Variants in TBX15 observed in about 807,000 individuals in gnomAD.
The protein encoded by TBX15 is T-box transcription factor 15, also known as T-box transcription factor TBX15.
In TBX15, 18 loss-of-function variants were observed where a neutral mutation model predicts 53.9. That is an observed-to-expected ratio of 0.33 (90% CI 0.23 to 0.49). The LOEUF is 0.49. Ranked by LOEUF, TBX15 falls within the 20% of genes least tolerant of loss-of-function variation. The pLI, the probability that TBX15 is intolerant of heterozygous loss-of-function variation, is 0.98. For synonymous variants in TBX15, 295 were observed against 278.0 expected (o/e 1.06, Z -0.61); for missense variants, 692 against 749.5 (o/e 0.92, Z 0.90).
Position 118,944,269 on chromosome 1 carries a change from A to G in TBX15, c.206-12437T>C, listed in dbSNP as rs565775942. 4.6e-5 allele frequency among the ~76,000 whole-genome samples: 7 copies of G among 152,240 alleles called. No homozygotes were observed. The South Asian group carries it at 1.4e-3, about 32-fold the overall frequency. Reference sequence around the variant, plus strand: ...ATGCTAACCCCAGGATGGATTTTTTATGATGGCCAAGAAAAGGAGGGTGGG... The same window carrying G: ...ATGCTAACCCCAGGATGGATTTTTTGTGATGGCCAAGAAAAGGAGGGTGGG... On this transcript the variant is annotated intron_variant, in intron 1 of 7. Coordinates refer to ENST00000369429, the MANE Select transcript of TBX15 (RefSeq NM_001330677.2).
intron 1 of TBX15, among the ~76,000 whole-genome samples, chr1:118,966,610 A>C (rs754323184): frequency 2.0e-5 from 3 of 152,166 alleles, no homozygotes; most frequent in Admixed American, 6.5e-5. Context: ...AAAGGAGGAG[A>C]GTATACTGAG....
chr1:118,983,798 G>A (rs905320533), intron 1 of TBX15, among the ~76,000 whole-genome samples: 1 of 152,096 alleles, frequency 6.6e-6, no homozygotes, highest in Non-Finnish European at 1.5e-5. Context: ...CGCGTTCGCC[G>A]AACACCCTGT....
chr1:118,966,756 GTT>G (rs1307530367), intron 1 of TBX15, among the ~76,000 whole-genome samples: 1 of 152,146 alleles, frequency 6.6e-6, no homozygotes, highest in Admixed American at 6.5e-5. Flanking sequence ...AAGACTAGTG[GTT>G]TCATCTTCTA....
rs143887801 is a variant in TBX15, at chr1:118,968,283, T to C, written c.205+19308A>G. Among the ~76,000 whole-genome samples, 573 of 152,252 alleles carry C rather than the reference T, an allele frequency of 3.8e-3. 2 individuals carry two copies. The highest frequency in any genetic ancestry group is 0.013 in the African/African-American group (547 of 41,546). On this transcript the variant is annotated intron_variant, in intron 1 of 7. Coordinates refer to ENST00000369429, the MANE Select transcript of TBX15 (RefSeq NM_001330677.2). Reference sequence around the variant, plus strand: ...AGGCTGGAGTGCAGTGGCGTGATCTTGGCTCACTGCAACCTCCATCTCCCA... The same window carrying C: ...AGGCTGGAGTGCAGTGGCGTGATCTCGGCTCACTGCAACCTCCATCTCCCA...
At chr1:118,887,648 C>T (rs1252689154) in intron 7 of TBX15, among the ~76,000 whole-genome samples, 1 of 148,508 alleles carries the variant, frequency 6.7e-6, no homozygotes, top group Non-Finnish European at 1.5e-5. Context: ...GCACGCTGGC[C>T]TGGGCAACAA....
intron 1 of TBX15, among the ~76,000 whole-genome samples, chr1:118,938,914 C>CA (rs1308295601): frequency 1.3e-5 from 2 of 152,170 alleles, no homozygotes; most frequent in Non-Finnish European, 2.9e-5. Flanking sequence ...CAAAAAGACA[C>CA]ATGCATTTGT....
At chr1:118,894,468 A>G (rs1654352244) in intron 7 of TBX15, among the ~76,000 whole-genome samples, 1 of 152,144 alleles carries the variant, frequency 6.6e-6, no homozygotes, top group South Asian at 2.1e-4. Flanking sequence ...CTGGAGATAG[A>G]AGGTTGAGGT....
At chr1:118,915,602 C>T (rs1028632711) in intron 5 of TBX15, among the ~76,000 whole-genome samples, 1 of 152,166 alleles carries the variant, frequency 6.6e-6, no homozygotes, top group Non-Finnish European at 1.5e-5. Flanking sequence ...CGAGTGTCTG[C>T]CATATGAATA....
At chr1:118,933,089 G>A (rs117312972) in intron 1 of TBX15, among the ~76,000 whole-genome samples, 43 of 152,250 alleles carry the variant, frequency 2.8e-4, no homozygotes, top group East Asian at 1.5e-3. Context: ...GCCCAATCAC[G>A]TTGCTGCCAA....
chr1:118,895,595 T>A (rs1295330381), intron 7 of TBX15, among the ~76,000 whole-genome samples: 2 of 152,166 alleles, frequency 1.3e-5, no homozygotes, highest in African/African-American at 4.8e-5. Flanking sequence ...ACTTGCCTGG[T>A]TAGTTCATTT....
intron 1 of TBX15, among the ~76,000 whole-genome samples, chr1:118,981,384 A>G (rs1335633665): frequency 6.6e-6 from 1 of 152,038 alleles, no homozygotes; most frequent in Admixed American, 6.6e-5. Flanking sequence ...CCAATTCAGA[A>G]CTGATATTTT....
chr1:118,910,411 G>A (rs193074569), intron 6 of TBX15, among the ~76,000 whole-genome samples: 1 of 98,504 alleles, frequency 1.0e-5, no homozygotes, highest in African/African-American at 3.0e-5. Context: ...CAAGATTTTT[G>A]TTGTTGTTGT....
At chr1:118,952,387 A>C (rs1402809250) in intron 1 of TBX15, among the ~76,000 whole-genome samples, 1 of 151,978 alleles carries the variant, frequency 6.6e-6, no homozygotes, top group Non-Finnish European at 1.5e-5. Context: ...ACATTTTTCA[A>C]GGGTCAATAA....
chr1:118,887,939 T>C (rs1017940287), intron 7 of TBX15, among the ~76,000 whole-genome samples: 15 of 152,188 alleles, frequency 9.9e-5, no homozygotes, highest in African/African-American at 3.6e-4. Context: ...GCCTAACTAA[T>C]AACGAAAGAA....
At position 118,987,684 on chromosome 1, in the gene TBX15, TCTC is replaced by T. The variant is rs1425533655; in HGVS notation, c.109_111del (p.Glu37del). 1.3e-5 allele frequency: 20 copies of T among 1,550,344 alleles called. No homozygotes were observed. Among genetic ancestry groups the T allele is most frequent in the Non-Finnish European group, 1.7e-5 (19 of 1,146,840 alleles). On this transcript the variant is annotated inframe_deletion, in exon 1 of 8. Coordinates refer to ENST00000369429, the MANE Select transcript of TBX15 (RefSeq NM_001330677.2). ...GCCTCCATAGACAGGTCCAGCCCCT[TCTC>T]CTCCCAGTCTCGCAGTTTCCGTTTT...
At chr1:118,938,193 G>A (rs1656027416) in intron 1 of TBX15, among the ~76,000 whole-genome samples, 1 of 152,144 alleles carries the variant, frequency 6.6e-6, no homozygotes, top group Non-Finnish European at 1.5e-5. Context: ...TATGATGATA[G>A]CAAACACTCA....
intron 1 of TBX15, among the ~76,000 whole-genome samples, chr1:118,964,135 C>T (rs1305140755): frequency 6.6e-6 from 1 of 152,202 alleles, no homozygotes; most frequent in Admixed American, 6.5e-5. Context: ...GGTTTTAAGG[C>T]ACTAAGCACA....
At chr1:118,940,559 TAACTC>T (rs1656139135) in intron 1 of TBX15, among the ~76,000 whole-genome samples, 1 of 151,870 alleles carries the variant, frequency 6.6e-6, no homozygotes. Context: ...TATTTAGGCT[TAACTC>T]AAGTCAGAGT....
chr1:118,966,025 A>G (rs1657024578), intron 1 of TBX15, among the ~76,000 whole-genome samples: 1 of 152,154 alleles, frequency 6.6e-6, no homozygotes, highest in Admixed American at 6.5e-5. Context: ...CTCACTGTTC[A>G]TTTTGGGCTG....
Sources: gnomAD v4.1 joint callset for allele counts (sites outside exome capture counted in the v4.1 genomes callset) on GRCh38, gnomAD v4.1.1 for gene constraint, MANE v1.5 for transcripts, NCBI Gene and HGNC (gene_info 2026-07-23, HGNC 2026-07-21) for gene names.